MYO18B: variants seen among roughly 807,000 people sequenced by gnomAD.
The protein encoded by MYO18B is myosin XVIIIB.
A neutral mutation model predicts 273.0 loss-of-function variants in MYO18B; 204 were observed. The ratio of observed to expected loss-of-function variants is 0.75; its 90% CI spans 0.67 to 0.84. The LOEUF is 0.84. MYO18B is among the 40% of genes least tolerant of loss of function. MYO18B has a pLI of 0.00. For synonymous variants in MYO18B, 1,330 were observed against 1,305.7 expected (o/e 1.02, Z -0.40); for missense variants, 3,212 against 3,287.6 (o/e 0.98, Z 0.56).
At chr22:25,754,685 G>A (rs1055838972) in intron 1 of MYO18B, among the ~76,000 whole-genome samples, 1 of 152,178 alleles carries the variant, frequency 6.6e-6, no homozygotes, top group African/African-American at 2.4e-5. Context: ...GGCCCGGACC[G>A]GAGTATGGCG....
chr22:26,036,933 A>T, the MYO18B span, among the ~76,000 whole-genome samples: 2 of 152,242 alleles, frequency 1.3e-5, no homozygotes, highest in African/African-American at 4.8e-5. Context: ...ACTTTTCCCC[A>T]TACCAGCCAT....
chr22:25,913,213 G>A (rs750686276), intron 33 of MYO18B, among the ~76,000 whole-genome samples: 13 of 152,278 alleles, frequency 8.5e-5, no homozygotes, highest in African/African-American at 2.2e-4. Context: ...GTCACTAGCC[G>A]TGTCTGAAAT....
chr22:26,019,237 G>A lies in MYO18B; in HGVS notation c.6471-7208G>A, dbSNP rs115166814. 2.0e-3 allele frequency among the ~76,000 whole-genome samples: 312 copies of A among 152,324 alleles called. 1 individual carries two copies. Among genetic ancestry groups the A allele is most frequent in the African/African-American group, 7.1e-3 (294 of 41,574 alleles). On this transcript the variant is annotated intron_variant, in intron 42 of 43. Transcript: ENST00000335473. ...TCCTTCTCAGCAAGCCCATTTGCCTGTCTTAGCCTCAGCTTCCTCATTTAT... is the reference window on the plus strand; with the variant it reads ...TCCTTCTCAGCAAGCCCATTTGCCTATCTTAGCCTCAGCTTCCTCATTTAT...
At chr22:25,771,618 G>C (rs1198030345) in intron 6 of MYO18B, among the ~76,000 whole-genome samples, 1 of 151,114 alleles carries the variant, frequency 6.6e-6, no homozygotes, top group East Asian at 1.9e-4. Flanking sequence ...ATTCCTTTCT[G>C]CTCCTCCTCT....
intron 39 of MYO18B, among the ~76,000 whole-genome samples, chr22:25,976,450 TTGAGA>T (rs1281544467): frequency 3.3e-5 from 5 of 152,170 alleles, no homozygotes; most frequent in African/African-American, 1.2e-4. Flanking sequence ...TTCCACTACT[TTGAGA>T]TGAGGGCTTG....
intron 15 of MYO18B, among the ~76,000 whole-genome samples, chr22:25,831,444 G>A (rs1418974061): frequency 1.3e-5 from 2 of 152,150 alleles, no homozygotes; most frequent in African/African-American, 4.8e-5. Flanking sequence ...GTGCAATGGA[G>A]TGATCTCAGC....
Position 25,921,380 on chromosome 22 carries a change from A to G in MYO18B, c.5488A>G (p.Lys1830Glu), listed in dbSNP as rs763918494. 3 of 1,600,346 alleles carry G rather than the reference A, an allele frequency of 1.9e-6. No homozygotes were observed. Among genetic ancestry groups the G allele is most frequent in the Non-Finnish European group, 2.6e-6 (3 of 1,173,600 alleles). ...TMEDGKTSVS[K>E]EELEKVHSQL... ...GGAGGATGGCAAGACATCAGTCAGC[A>G]AGGAGGAGCTGGAGAAAGTGCACAG... Residue 1830 changes from lysine to glutamate, a missense_variant, in exon 34 of 44, where the codon AAG becomes GAG. Coordinates refer to ENST00000335473, the MANE Select transcript of MYO18B (RefSeq NM_032608.7).
chr22:25,780,589 T>A (rs1197525105), intron 9 of MYO18B, among the ~76,000 whole-genome samples: 1 of 38,150 alleles, frequency 2.6e-5, no homozygotes, highest in Non-Finnish European at 4.0e-5. Flanking sequence ...AAACTCCATC[T>A]CAAAAAAAAA....
At chr22:25,743,150 C>T (rs2146510005) in intron 1 of MYO18B, among the ~76,000 whole-genome samples, 1 of 152,348 alleles carries the variant, frequency 6.6e-6, no homozygotes, top group East Asian at 1.9e-4. Flanking sequence ...CCTCAACCCG[C>T]AAGTGTGGGG....
chr22:25,848,447 G>T (rs1368997649), intron 20 of MYO18B, among the ~76,000 whole-genome samples: 1 of 152,168 alleles, frequency 6.6e-6, no homozygotes, highest in Non-Finnish European at 1.5e-5. Context: ...AAGGATGGAG[G>T]CATAAAACGG....
At chr22:25,797,313 T>G (rs1201127616) in intron 11 of MYO18B, among the ~76,000 whole-genome samples, 1 of 152,240 alleles carries the variant, frequency 6.6e-6, no homozygotes, top group African/African-American at 2.4e-5. Flanking sequence ...TCCCTTTGCC[T>G]GTTGGGACTT....
chr22:25,780,081 T>A lies in MYO18B; in HGVS notation c.2094T>A (p.Thr698=), dbSNP rs762994072. 5 of 1,596,560 alleles carry A rather than the reference T, an allele frequency of 3.1e-6. No individual in the cohort carries two copies. The highest frequency in any genetic ancestry group is 1.7e-5 in the Admixed American group (1 of 58,254). The change falls in exon 9 of 44, where the codon ACT becomes ACA. Residue 698 remains threonine (T), a synonymous_variant. Transcript: ENST00000335473. ...VSVEKIRATF[T]VLRAFGSVSM... Reference sequence around the variant, plus strand: ...TGGAGAAGATCCGAGCCACCTTCACTGTCCTCCGGGCCTTCGGCTCTGTGT... The same window carrying A: ...TGGAGAAGATCCGAGCCACCTTCACAGTCCTCCGGGCCTTCGGCTCTGTGT...
Position 26,013,211 on chromosome 22 carries a change from C to T in MYO18B, c.6470+8356C>T, listed in dbSNP as rs546693572. On this transcript the variant is annotated intron_variant, in intron 42 of 43. Transcript: ENST00000335473. ...TTCTCAACTGGAGGCACTTCTGCAC[C>T]ACTACCCATCTCAACAGGGGACAGC... Among the ~76,000 whole-genome samples, 346 of 152,236 alleles carry T rather than the reference C, an allele frequency of 2.3e-3. 2 individuals carry two copies. The highest frequency in any genetic ancestry group is 7.7e-3 in the African/African-American group (318 of 41,534).
Position 25,780,036 on chromosome 22 carries a change from C to G in MYO18B, c.2069-20C>G. On this transcript the variant is annotated intron_variant, in intron 8 of 43. Coordinates refer to ENST00000335473, the MANE Select transcript of MYO18B (RefSeq NM_032608.7). ...CACCTGGGCCATCAGTGACATGTGG[C>G]CCCATGCTGCCCCCAACAGTGGAGA... 1 of 1,564,980 alleles carries G rather than the reference C, an allele frequency of 6.4e-7. No individual in the cohort carries two copies. The highest frequency in any genetic ancestry group is 8.6e-7 in the Non-Finnish European group (1 of 1,157,210).
rs543880807 is a variant in MYO18B at position 25,841,565 on chromosome 22, A to G, written c.3209-2170A>G. Reference sequence around the variant, plus strand: ...TGTGCCCCATTAGCCAAATTGCCTCATGTCTCTGAACTTCAGTGTCATCTT... The same window carrying G: ...TGTGCCCCATTAGCCAAATTGCCTCGTGTCTCTGAACTTCAGTGTCATCTT... On this transcript the variant is annotated intron_variant, in intron 17 of 43. Coordinates refer to ENST00000335473, the MANE Select transcript of MYO18B (RefSeq NM_032608.7). Among the ~76,000 whole-genome samples, 28 of 152,254 alleles carry G rather than the reference A, an allele frequency of 1.8e-4. No individual in the cohort carries two copies. The East Asian group carries it at 5.2e-3, about 28-fold the overall frequency.
intron 42 of MYO18B, among the ~76,000 whole-genome samples, chr22:26,019,842 T>C (rs1218324162): frequency 6.6e-6 from 1 of 152,228 alleles, no homozygotes; most frequent in African/African-American, 2.4e-5. Context: ...CACTCAGTCC[T>C]GGGAATTATG....
chr22:25,808,161 C>T (rs1283286726), intron 12 of MYO18B, among the ~76,000 whole-genome samples: 1 of 152,062 alleles, frequency 6.6e-6, no homozygotes, highest in Non-Finnish European at 1.5e-5. Context: ...AGGATGAACT[C>T]TATGTCCTCT....
intron 13 of MYO18B, among the ~76,000 whole-genome samples, chr22:25,825,252 G>T (rs1216898248): frequency 1.3e-5 from 2 of 152,152 alleles, no homozygotes; most frequent in Non-Finnish European, 2.9e-5. Context: ...TAGGAGAGAT[G>T]CTGGGAGGCT....
In MYO18B at chr22:25,992,418, A is replaced by G. The variant is rs772063340; in HGVS notation, c.6212A>G (p.Glu2071Gly). 9 of 1,613,892 alleles carry G rather than the reference A, an allele frequency of 5.6e-6. No homozygotes were observed. The Admixed American group carries it at 1.5e-4, about 27-fold the overall frequency. The change falls in exon 40 of 44, where the codon GAG becomes GGG. Residue 2071 changes from glutamate (E) to glycine (G), a missense_variant. By Grantham distance (98) the Glu-to-Gly change is moderately conservative. Transcript: ENST00000335473. Reference protein sequence around the residue: ...AVRQTLQTDLETSIRRIADLQ... With the variant: ...AVRQTLQTDLGTSIRRIADLQ... Reference sequence around the variant, plus strand: ...AGGCAAACCCTCCAGACAGACCTGGAGACATCCATTCGGCGGATTGCCGAC... The same window carrying G: ...AGGCAAACCCTCCAGACAGACCTGGGGACATCCATTCGGCGGATTGCCGAC...
Sources: gnomAD v4.1 joint callset for allele counts (sites outside exome capture counted in the v4.1 genomes callset) on GRCh38, gnomAD v4.1.1 for gene constraint, MANE v1.5 for transcripts, NCBI Gene and HGNC (gene_info 2026-07-23, HGNC 2026-07-21) for gene names.